Variants in MAGI2 observed in about 807,000 individuals in gnomAD.
MAGI2 encodes the protein membrane-associated guanylate kinase, WW and PDZ domain-containing protein 2.
Under a neutral mutation model 133.3 loss-of-function variants are expected in MAGI2, and 35 were observed. That is an observed-to-expected ratio of 0.26 (90% confidence interval 0.20 to 0.35). MAGI2 has a LOEUF of 0.35. Among genes scored for constraint, MAGI2 ranks in the 10% least tolerant of loss-of-function variants. The pLI is 1.00. For missense variants in MAGI2, 1,636 were observed against 1,863.4 expected (o/e 0.88, Z 2.25); for synonymous variants, 729 against 710.6 (o/e 1.03, Z -0.41).
intron 2 of MAGI2, among the ~76,000 whole-genome samples, chr7:78,860,623 C>G (rs1038098695): frequency 6.6e-6 from 1 of 152,014 alleles, no homozygotes; most frequent in Non-Finnish European, 1.5e-5. Context: ...CTCAGAGGGG[C>G]CCCCGGCTGT....
chr7:78,518,680 G>A (rs1236102260), intron 4 of MAGI2: 1 of 152,044 alleles, frequency 6.6e-6, no homozygotes. Flanking sequence ...TATTACTATA[G>A]TTAGTTGATA....
intron 3 of MAGI2, among the ~76,000 whole-genome samples, chr7:78,584,776 A>G (rs1454580770): frequency 6.6e-6 from 1 of 152,196 alleles, no homozygotes; most frequent in African/African-American, 2.4e-5. Flanking sequence ...TATCAGCCAA[A>G]CCTTGGCTCA....
chr7:78,752,935 G>T (rs1273711948), intron 2 of MAGI2, among the ~76,000 whole-genome samples: 1 of 152,232 alleles, frequency 6.6e-6, no homozygotes, highest in Non-Finnish European at 1.5e-5. Context: ...TATTTTAGCT[G>T]CTGCCTACTA....
chr7:78,710,159 A>C (rs966598231), intron 2 of MAGI2, among the ~76,000 whole-genome samples: 2 of 152,184 alleles, frequency 1.3e-5, no homozygotes, highest in African/African-American at 4.8e-5. Flanking sequence ...AGTACATATT[A>C]CATTATTTAA....
intron 1 of MAGI2, among the ~76,000 whole-genome samples, chr7:79,025,066 C>G (rs974180889): frequency 6.6e-6 from 1 of 152,088 alleles, no homozygotes; most frequent in Non-Finnish European, 1.5e-5. Context: ...ATGTTTATCA[C>G]AGCACTATTC....
intron 21 of MAGI2, among the ~76,000 whole-genome samples, chr7:78,034,086 C>T (rs370742800): frequency 4.0e-4 from 61 of 152,306 alleles, no homozygotes; most frequent in African/African-American, 1.3e-3. Flanking sequence ...AGTAGAAGCA[C>T]GCTCACTCTT....
chr7:78,398,129 C>A (rs1796527910), intron 6 of MAGI2, among the ~76,000 whole-genome samples: 1 of 152,054 alleles, frequency 6.6e-6, no homozygotes, highest in South Asian at 2.1e-4. Context: ...ATGCTGTAAT[C>A]AGCTAGAAGA....
intron 2 of MAGI2, among the ~76,000 whole-genome samples, chr7:78,748,695 T>TA (rs56050733): frequency 0.31 from 47,167 of 152,004 alleles, 7,538 homozygotes; most frequent in South Asian, 0.47. Context: ...TACTCTGATG[T>TA]AAAAAAGATA....
At position 78,353,703 on chromosome 7, in the gene MAGI2, AG is replaced by A. The variant is rs1452971571; in HGVS notation, c.1104-7661del. On this transcript the variant is annotated intron_variant, in intron 7 of 21. Coordinates refer to ENST00000354212, the MANE Select transcript of MAGI2 (RefSeq NM_012301.4). ...ATGAAAGTATTTTGCTGGTTGGAGA[AG>A]GGGGCATTTTAGGAAGAGAGTAGTA... Among the ~76,000 whole-genome samples, 3 of 152,182 alleles carry A rather than the reference AG, an allele frequency of 2.0e-5. No homozygotes were observed. In the East Asian group the frequency reaches 5.8e-4, roughly 29 times the overall value.
intron 2 of MAGI2, among the ~76,000 whole-genome samples, chr7:79,004,992 G>A (rs867336659): frequency 9.7e-4 from 148 of 151,806 alleles, no homozygotes; most frequent in African/African-American, 3.2e-3. Context: ...TGGGGCAGGA[G>A]AATTGCTTGA....
intron 1 of MAGI2, among the ~76,000 whole-genome samples, chr7:79,389,989 GT>G (rs1844481537): frequency 6.6e-6 from 1 of 152,076 alleles, no homozygotes; most frequent in African/African-American, 2.4e-5. Context: ...AAACTGTAGG[GT>G]TTTTATGAAA....
chr7:78,565,326 A>G (rs984086206), intron 3 of MAGI2, among the ~76,000 whole-genome samples: 1 of 151,970 alleles, frequency 6.6e-6, no homozygotes, highest in African/African-American at 2.4e-5. Flanking sequence ...TTAGTGGGGC[A>G]TGGTGGCATG....
At chr7:78,039,077 A>C (rs1810532946) in intron 21 of MAGI2, among the ~76,000 whole-genome samples, 1 of 152,212 alleles carries the variant, frequency 6.6e-6, no homozygotes, top group African/African-American at 2.4e-5. Context: ...GTTATAAAGA[A>C]CATCTTAGAG....
intron 3 of MAGI2, among the ~76,000 whole-genome samples, chr7:78,570,241 T>C (rs939791278): frequency 1.3e-5 from 2 of 152,228 alleles, no homozygotes; most frequent in Admixed American, 6.5e-5. Context: ...GTTTATCTTT[T>C]GGTAATTAAT....
At chr7:78,315,272 C>T (rs1414235091) in intron 9 of MAGI2, among the ~76,000 whole-genome samples, 1 of 152,122 alleles carries the variant, frequency 6.6e-6, no homozygotes, top group African/African-American at 2.4e-5. Flanking sequence ...CACTTGGGCT[C>T]AGGACGTCTG....
At chr7:79,024,077 C>T (rs1809611887) in intron 1 of MAGI2, among the ~76,000 whole-genome samples, 2 of 152,092 alleles carry the variant, frequency 1.3e-5, no homozygotes, top group South Asian at 4.2e-4. Flanking sequence ...TTCCCAATTT[C>T]AAACTATACT....
At chr7:78,882,347 T>C (rs1165225780) in intron 2 of MAGI2, among the ~76,000 whole-genome samples, 1 of 151,806 alleles carries the variant, frequency 6.6e-6, no homozygotes, top group Non-Finnish European at 1.5e-5. Flanking sequence ...AGACCAACAT[T>C]GAATTCTGTT....
chr7:78,674,511 C>T (rs904114372), intron 2 of MAGI2, among the ~76,000 whole-genome samples: 1 of 151,972 alleles, frequency 6.6e-6, no homozygotes, highest in Admixed American at 6.6e-5. Context: ...CTATTCTATA[C>T]TTTAAATGCT....
At chr7:79,197,051 G>C (rs537124458) in intron 1 of MAGI2, among the ~76,000 whole-genome samples, 1 of 152,004 alleles carries the variant, frequency 6.6e-6, no homozygotes, top group South Asian at 2.1e-4. Flanking sequence ...AAAGTGCTGG[G>C]ATTACAGGTG....
Sources: allele counts gnomAD v4.1 joint callset (sites outside exome capture counted in the v4.1 genomes callset), GRCh38; gene constraint gnomAD v4.1.1; transcripts MANE v1.5; gene names NCBI Gene and HGNC (gene_info 2026-07-23, HGNC 2026-07-21).